Variants in RAB3D observed in about 807,000 individuals in gnomAD.
The protein encoded by RAB3D is RAB3D, member RAS oncogene family, also known as ras-related protein Rab-3D.
A neutral mutation model predicts 19.3 loss-of-function variants in RAB3D; 17 were observed. The ratio of observed to expected loss-of-function variants is 0.88; its 90% CI spans 0.60 to 1.32. The LOEUF (loss-of-function observed/expected upper bound fraction) is 1.32, where lower values mean the gene tolerates loss of function less well. RAB3D is among the 40% of genes most tolerant of loss of function. The pLI is 0.00. For missense variants in RAB3D, 223 were observed against 299.1 expected (o/e 0.75, Z 1.88); for synonymous variants, 103 against 119.9 (o/e 0.86, Z 0.92).
At chr19:11,336,741 T>C (rs1282676873) in intron 2 of RAB3D, among the ~76,000 whole-genome samples, 1 of 151,524 alleles carries the variant, frequency 6.6e-6, no homozygotes, top group African/African-American at 2.4e-5. Flanking sequence ...GAGGCCGAGG[T>C]GGGCGGATCA....
chr19:11,334,695 C>CG (rs1256439605), intron 4 of RAB3D, among the ~76,000 whole-genome samples: 1 of 152,128 alleles, frequency 6.6e-6, no homozygotes, highest in East Asian at 1.9e-4. Flanking sequence ...GAGGCCAAGG[C>CG]GGGCAGATCA....
At chr19:11,332,473 T>C (rs975053425) in intron 4 of RAB3D, among the ~76,000 whole-genome samples, 2 of 152,136 alleles carry the variant, frequency 1.3e-5, no homozygotes, top group African/African-American at 4.8e-5. Flanking sequence ...GCCTCCTGAG[T>C]AGCTGAGACT....
chr19:11,328,380 G>C (rs2080823588), intron 4 of RAB3D, among the ~76,000 whole-genome samples: 1 of 150,466 alleles, frequency 6.6e-6, no homozygotes, highest in Non-Finnish European at 1.5e-5. Flanking sequence ...TGCCAGGCGT[G>C]GTGGCTCACG....
rs1044233584 is a variant in RAB3D at position 11,322,677 on chromosome 19, A to G, written c.*2721T>C. 3.9e-5 allele frequency: 6 copies of G among 152,216 alleles called. No homozygotes were observed. The highest frequency in any genetic ancestry group is 1.4e-4 in the African/African-American group (6 of 41,460). The allele number at this position is 152,216 out of a possible 1,614,324, so 9.4% of individuals were successfully genotyped here. A position where few individuals can be genotyped will look rare whatever the true frequency, so the allele number is the denominator to read the frequency against. On this transcript the variant is annotated 3_prime_UTR_variant, in exon 5 of 5. Coordinates refer to ENST00000222120, the MANE Select transcript of RAB3D (RefSeq NM_004283.4). ...TTTGCCTTATTTTTAGAAGAAACAAATGTTCCCATATTATTCCCAGTTTTT... is the reference window on the plus strand; with the variant it reads ...TTTGCCTTATTTTTAGAAGAAACAAGTGTTCCCATATTATTCCCAGTTTTT...
At chr19:11,329,688 T>G (rs1222647935) in intron 4 of RAB3D, among the ~76,000 whole-genome samples, 1 of 151,938 alleles carries the variant, frequency 6.6e-6, no homozygotes, top group Non-Finnish European at 1.5e-5. Flanking sequence ...AATCTTCTTT[T>G]TGTGTGTGTG....
Position 11,325,287 on chromosome 19 carries a change from G to A in RAB3D, c.*111C>T. 2.9e-6 allele frequency: 2 copies of A among 699,842 alleles called. No individual in the cohort carries two copies. Among genetic ancestry groups the A allele is most frequent in the South Asian group, 1.9e-5 (1 of 53,814 alleles). The allele number at this position is 699,842 out of a possible 1,614,324, so 43.4% of individuals were successfully genotyped here. A position where few individuals can be genotyped will look rare whatever the true frequency, so the allele number is the denominator to read the frequency against. ...GCCATGCAGGAGTCGGGGAGCAGTT[G>A]ACAGGAGGGAAGGGATTGCCCTGAG... On this transcript the variant is annotated 3_prime_UTR_variant, in exon 5 of 5. Coordinates refer to ENST00000222120, the MANE Select transcript of RAB3D (RefSeq NM_004283.4).
At position 11,325,581 on chromosome 19, in the gene RAB3D, G is replaced by T; in HGVS notation, c.477C>A (p.Phe159Leu). The T allele has an allele frequency of 6.2e-7, 1 of 1,607,146 alleles. No homozygotes were observed. ...DGRRLADDLGFEFFEASAKEN... is the reference protein window; with the variant it reads ...DGRRLADDLGLEFFEASAKEN... ...CCTTGGCACTGGCTTCAAAGAACTC[G>T]AAACCTGGATGAATGTTAAGGTGGG... is the stretch of plus-strand genomic sequence containing the variant. Residue 159 changes from phenylalanine (F) to leucine (L), a missense_variant, in exon 5 of 5, where the codon TTC becomes TTA. Phe to Leu is a conservative substitution (Grantham distance 22). Coordinates refer to ENST00000222120, the MANE Select transcript of RAB3D (RefSeq NM_004283.4).
In RAB3D at chr19:11,337,252, C is replaced by T. The variant is rs752332378; in HGVS notation, c.148G>A (p.Ala50Thr). The T allele has an allele frequency of 6.2e-6, 10 of 1,613,944 alleles. No individual in the cohort carries two copies. The highest frequency in any genetic ancestry group is 2.7e-5 in the African/African-American group (2 of 74,882). The stretch of plus-strand genomic sequence containing the variant: ...TCGATGCCCACAGTACTGACGAAGG[C>T]GGGAGTGAAGGAGTCGTCCGCGTAT... ...FRYADDSFTP[A>T]FVSTVGIDFK... Residue 50 changes from alanine (A) to threonine (T), a missense_variant, in exon 2 of 5, where the codon GCC becomes ACC. Transcript: ENST00000222120.
chr19:11,334,423 C>T (rs954241151), intron 4 of RAB3D, among the ~76,000 whole-genome samples: 3 of 151,916 alleles, frequency 2.0e-5, no homozygotes, highest in Non-Finnish European at 4.4e-5. Context: ...GAGCCAAGAT[C>T]GCACCACTGC....
intron 4 of RAB3D, among the ~76,000 whole-genome samples, chr19:11,333,409 T>G (rs1178031867): frequency 6.6e-6 from 1 of 151,972 alleles, no homozygotes; most frequent in Non-Finnish European, 1.5e-5. Flanking sequence ...TATTATTTAG[T>G]AGAAAAGTTC....
intron 4 of RAB3D, among the ~76,000 whole-genome samples, chr19:11,330,148 C>T (rs1356566518): frequency 6.6e-6 from 1 of 152,152 alleles, no homozygotes; most frequent in Non-Finnish European, 1.5e-5. Context: ...ATCCAGGGCC[C>T]TGCCCCACAG....
intron 4 of RAB3D, among the ~76,000 whole-genome samples, 173 bp downstream of exon 4, chr19:11,335,274 G>A (rs2080848131): frequency 6.6e-6 from 1 of 152,202 alleles, no homozygotes; most frequent in South Asian, 2.1e-4. Flanking sequence ...GGGGCAGTGG[G>A]AGTTCCTGCG....
At chr19:11,336,533 CCGCTGGGCTCAAGTG>C in intron 2 of RAB3D, among the ~76,000 whole-genome samples, 1 of 151,930 alleles carries the variant, frequency 6.6e-6, no homozygotes, top group Non-Finnish European at 1.5e-5. Context: ...TGGTCTGGAA[CCGCTGGGCTCAAGTG>C]ATGCTCCACC....
intron 4 of RAB3D, among the ~76,000 whole-genome samples, chr19:11,334,633 TA>T (rs1056306284): frequency 2.0e-5 from 3 of 146,728 alleles, no homozygotes; most frequent in African/African-American, 7.5e-5. Context: ...CACGCAAAAT[TA>T]AAAAAAAAGG....
chr19:11,334,472 CA>C (rs1399744230), intron 4 of RAB3D, among the ~76,000 whole-genome samples: 1 of 149,824 alleles, frequency 6.7e-6, no homozygotes, highest in East Asian at 2.0e-4. Context: ...CCATCTCAAA[CA>C]AAAACAAAAA....
Position 11,335,438 on chromosome 19 carries a change from G to A in RAB3D, c.472+9C>T, listed in dbSNP as rs750692054. 1.2e-6 allele frequency: 2 copies of A among 1,613,916 alleles called. No individual in the cohort carries two copies. The highest frequency in any genetic ancestry group is 1.7e-4 in the Middle Eastern group (1 of 6,044). On this transcript the variant is annotated intron_variant, in intron 4 of 4. Coordinates refer to ENST00000222120, the MANE Select transcript of RAB3D (RefSeq NM_004283.4). ...AGACCAGGGCCTGTGGCCCAGGCTG[G>A]GCACTAACCAAGGTCGTCGGCGAGC...
Position 11,322,918 on chromosome 19 carries a change from A to C in RAB3D, c.*2480T>G, listed in dbSNP as rs2080788823. The C allele has an allele frequency of 6.6e-6, 1 of 152,152 alleles. No homozygotes were observed. Among genetic ancestry groups the C allele is most frequent in the East Asian group, 1.9e-4 (1 of 5,192 alleles). 9.4% of individuals were successfully genotyped at this position (152,152 alleles called of 1,614,324 possible). Reference sequence around the variant, plus strand: ...TTAGAGACAATTGGCCAACAAAACCAGCCTGGCCAACAAGGTGAAACCGTC... The same window carrying C: ...TTAGAGACAATTGGCCAACAAAACCCGCCTGGCCAACAAGGTGAAACCGTC... On this transcript the variant is annotated 3_prime_UTR_variant, in exon 5 of 5. Coordinates refer to ENST00000222120, the MANE Select transcript of RAB3D (RefSeq NM_004283.4).
chr19:11,330,246 C>T (rs991630624), intron 4 of RAB3D, among the ~76,000 whole-genome samples: 5 of 152,216 alleles, frequency 3.3e-5, no homozygotes, highest in African/African-American at 1.2e-4. Context: ...CAAACCTCCT[C>T]TGTAAAAGGC....
chr19:11,335,377 T>C, intron 4 of RAB3D, 70 bp downstream of exon 4: 1 of 1,590,388 alleles, frequency 6.3e-7, no homozygotes, highest in South Asian at 1.1e-5. Context: ...GGTTGGACCC[T>C]GAATCAGAGG....
Sources: allele counts gnomAD v4.1 joint callset (sites outside exome capture counted in the v4.1 genomes callset), GRCh38; gene constraint gnomAD v4.1.1; transcripts MANE v1.5; gene names NCBI Gene and HGNC (gene_info 2026-07-23, HGNC 2026-07-21).